The following ZNF200 variants were observed in gnomAD, a reference collection of about 807,000 sequenced individuals.
The protein encoded by ZNF200 is zinc finger protein 200.
In ZNF200, 35 loss-of-function variants were observed where a neutral mutation model predicts 33.6. The observed-to-expected ratio is 1.04, with a 90% confidence interval of 0.80 to 1.38. The LOEUF is 1.38. Among genes scored for constraint, ZNF200 ranks in the 40% most tolerant of loss-of-function variants. The probability of loss-of-function intolerance (pLI) is 0.00; values close to 1 mark genes in which losing one functional copy is unlikely to be tolerated. For synonymous variants in ZNF200, 209 were observed against 167.7 expected (o/e 1.25, Z -1.90); for missense variants, 592 against 470.6 (o/e 1.26, Z -2.39).
chr16:3,231,386 G>C (rs1263720683), intron 4 of ZNF200, among the ~76,000 whole-genome samples: 1 of 152,122 alleles, frequency 6.6e-6, no homozygotes, highest in East Asian at 1.9e-4. Flanking sequence ...TTACAGCTAA[G>C]AGTTTGACAG....
At chr16:3,232,668 A>C in intron 3 of ZNF200, 121 bp from the exon 4 acceptor site, 1 of 1,487,716 alleles carries the variant, frequency 6.7e-7, no homozygotes, top group East Asian at 2.3e-5. Flanking sequence ...TATAAATCCC[A>C]CAGAGGTGCA....
Position 3,224,542 on chromosome 16 carries a change from T to C in ZNF200, c.538A>G (p.Lys180Glu). 6.2e-7 allele frequency: 1 copy of C among 1,613,934 alleles called. No individual in the cohort carries two copies. Among genetic ancestry groups the C allele is most frequent in the South Asian group, 1.1e-5 (1 of 91,040 alleles). Residue 180 changes from lysine (K) to glutamate (E), a missense_variant, in exon 5 of 5, where the codon AAG (lysine) becomes GAG (glutamate). Lys to Glu is a moderately conservative substitution (Grantham distance 56). Coordinates refer to ENST00000414144, the MANE Select transcript of ZNF200 (RefSeq NM_198088.3). Reference sequence around the variant, plus strand: ...TCCATTTCATCATCATCTGAAGACTTTTCTCTATAATCTTCATTTTCTACA... The same window carrying C: ...TCCATTTCATCATCATCTGAAGACTCTTCTCTATAATCTTCATTTTCTACA... ...EPVENEDYRE[K>E]SSDDDEMDSS...
chr16:3,232,315 GCA>G, intron 4 of ZNF200, 104 bp downstream of exon 4: 1 of 1,257,832 alleles, frequency 8.0e-7, no homozygotes, highest in South Asian at 1.4e-5. Flanking sequence ...ATGTGTGTGT[GCA>G]CATAGGCTTA....
rs762757189 is a variant in ZNF200, at chr16:3,233,591, G to C, written c.165C>G (p.Pro55=). 2 of 1,613,100 alleles carry C rather than the reference G, an allele frequency of 1.2e-6. No individual in the cohort carries two copies. The highest frequency in any genetic ancestry group is 4.5e-5 in the East Asian group (2 of 44,872). The change falls in exon 2 of 5, where the codon CCC becomes CCG. Residue 55 remains proline, a synonymous_variant. Coordinates refer to ENST00000414144, the MANE Select transcript of ZNF200 (RefSeq NM_198088.3). ...LVLEHFLTFL[P]KPSLVQPSQK... is the part of the protein sequence containing the mutation. The stretch of plus-strand genomic sequence containing the variant: ...GACTGGGCTGGACCAGGCTTGGCTT[G>C]GGCAAGAAGGTGAGGAAGTGCTCCA...
intron 2 of ZNF200, among the ~76,000 whole-genome samples, 194 bp downstream of exon 2, chr16:3,233,312 A>G: frequency 6.6e-6 from 1 of 152,238 alleles, no homozygotes; most frequent in East Asian, 1.9e-4. Flanking sequence ...GACACTACAG[A>G]AAGATGCACA....
chr16:3,224,418 G>C lies in ZNF200; in HGVS notation c.662C>G (p.Thr221Ser), dbSNP rs1958415344. ...CTCTAGAGGAGTATCATTCTCAATG[G>C]TAACTAACAGATTTCTCATTTTCCT... ...QKRKMRNLLV[T>S]IENDTPLEEL... The change falls in exon 5 of 5, where the codon ACC becomes AGC. Residue 221 changes from threonine (T) to serine (S), a missense_variant. Coordinates refer to ENST00000414144, the MANE Select transcript of ZNF200 (RefSeq NM_198088.3). 2.5e-6 allele frequency: 4 copies of C among 1,614,012 alleles called. No homozygotes were observed. The highest frequency in any genetic ancestry group is 3.4e-6 in the Non-Finnish European group (4 of 1,180,034).
At position 3,224,127 on chromosome 16, in the gene ZNF200, C is replaced by T. The variant is rs144411174; in HGVS notation, c.953G>A (p.Arg318His). 4.2e-5 allele frequency: 67 copies of T among 1,614,056 alleles called. No homozygotes were observed. In the South Asian group the frequency reaches 4.7e-4, roughly 11 times the overall value. Residue 318 changes from arginine to histidine, a missense_variant, in exon 5 of 5, where the codon CGT (arginine) becomes CAT (histidine). Coordinates refer to ENST00000414144, the MANE Select transcript of ZNF200 (RefSeq NM_198088.3). ...YSCSQCGKNF[R>H]QNSHRSRHEG... is the part of the protein sequence containing the mutation. ...ATGACGACTCCGATGAGAATTCTGA[C>T]GGAAGTTTTTTCCACACTGAGAACA...
intron 4 of ZNF200, chr16:3,226,224 T>C (rs1567218589): frequency 6.6e-6 from 1 of 151,910 alleles, no homozygotes; most frequent in Non-Finnish European, 1.5e-5. Flanking sequence ...AGCTAATTTT[T>C]TGTATTTATA....
rs2141607800 is a variant in ZNF200 at position 3,222,789 on chromosome 16, G to C, written c.*1103C>G. 6.6e-6 allele frequency: 1 copy of C among 152,316 alleles called. No homozygotes were observed. Among genetic ancestry groups the C allele is most frequent in the Non-Finnish European group, 1.5e-5 (1 of 68,042 alleles). 9.4% of individuals were successfully genotyped at this position (152,316 alleles called of 1,614,324 possible). A position where few individuals can be genotyped will look rare whatever the true frequency, so the allele number is the denominator to read the frequency against. ...GACAGGAAGGTATGGATATCAAGAG[G>C]CTGAAGACAATTAATACCCACTACA... is the stretch of plus-strand genomic sequence containing the variant. On this transcript the variant is annotated 3_prime_UTR_variant, in exon 5 of 5. Transcript: ENST00000414144.
At chr16:3,231,104 A>C (rs1367219296) in intron 4 of ZNF200, among the ~76,000 whole-genome samples, 1 of 152,198 alleles carries the variant, frequency 6.6e-6, no homozygotes, top group African/African-American at 2.4e-5. Flanking sequence ...CACCAGCTTC[A>C]GGGTACGGGT....
chr16:3,226,925 T>C (rs1240041051), intron 4 of ZNF200: 3 of 152,220 alleles, frequency 2.0e-5, no homozygotes, highest in Non-Finnish European at 4.4e-5. Flanking sequence ...AAATATGAAA[T>C]ACGCAAAATG....
Position 3,232,929 on chromosome 16 carries a change from A to G in ZNF200, c.251-8T>C. 1 of 1,613,204 alleles carries G rather than the reference A, an allele frequency of 6.2e-7. No homozygotes were observed. The highest frequency in any genetic ancestry group is 1.1e-5 in the South Asian group (1 of 91,060). ...CCAAGGGACGAGGATGCACTGGGGA[A>G]AGAGGAAGGTTTAGTTAGTGAAAAA... is the stretch of plus-strand genomic sequence containing the variant. On this transcript the variant is annotated splice_region_variant and splice_polypyrimidine_tract_variant and intron_variant, in intron 2 of 4. Coordinates refer to ENST00000414144, the MANE Select transcript of ZNF200 (RefSeq NM_198088.3).
Position 3,233,032 on chromosome 16 carries a change from C to G in ZNF200, c.251-111G>C. 3.3e-6 allele frequency: 3 copies of G among 904,660 alleles called. No homozygotes were observed. The South Asian group carries it at 4.6e-5, about 14-fold the overall frequency. The allele number at this position is 904,660 out of a possible 1,614,324, so 56.0% of individuals were successfully genotyped here. A position where few individuals can be genotyped will look rare whatever the true frequency, so the allele number is the denominator to read the frequency against. On this transcript the variant is annotated intron_variant, in intron 2 of 4. Transcript: ENST00000414144. ...ATTCCTTTGACAGGTAACTCATGGC[C>G]TTTTCTGCTCCTGTGAGCCCTTATA...
chr16:3,225,662 T>G (rs1270641349), intron 4 of ZNF200: 2 of 152,164 alleles, frequency 1.3e-5, no homozygotes, highest in Admixed American at 1.3e-4. Flanking sequence ...TTACAATTGG[T>G]AGGCTTTTTC....
chr16:3,224,530 C>G lies in ZNF200; in HGVS notation c.550G>C (p.Asp184His), dbSNP rs1056780222. ...ACCAAGGAAGAATCCATTTCATCAT[C>G]ATCTGAAGACTTTTCTCTATAATCT... The part of the protein sequence containing the change: ...NEDYREKSSD[D>H]DEMDSSLVSQ... The change falls in exon 5 of 5, where the codon GAT (aspartate) becomes CAT (histidine). Residue 184 changes from aspartate (D) to histidine (H), a missense_variant. Coordinates refer to ENST00000414144, the MANE Select transcript of ZNF200 (RefSeq NM_198088.3). 8.7e-6 allele frequency: 14 copies of G among 1,614,112 alleles called. No homozygotes were observed. The highest frequency in any genetic ancestry group is 2.2e-5 in the South Asian group (2 of 91,078).
Position 3,233,780 on chromosome 16 carries a change from G to A in ZNF200, c.-25C>T, listed in dbSNP as rs745699109. ...TGCCTTGCAACCACACACCACACTC[G>A]TTTCGCGGGGCCTCCAGAGCCACCT... On this transcript the variant is annotated 5_prime_UTR_variant, in exon 2 of 5. In the 5' UTR this introduces an upstream ATG that the reference lacks. Transcript: ENST00000414144. The A allele has an allele frequency of 4.4e-6, 7 of 1,583,106 alleles. No homozygotes were observed. In the South Asian group the frequency reaches 4.6e-5, roughly 10 times the overall value.
At chr16:3,227,993 G>A (rs1958516221) in intron 4 of ZNF200, among the ~76,000 whole-genome samples, 1 of 151,800 alleles carries the variant, frequency 6.6e-6, no homozygotes, top group African/African-American at 2.4e-5. Context: ...TCAACAAGAG[G>A]AGAAATGACC....
chr16:3,234,471 AAAAG>A (rs1290583224), intron 1 of ZNF200, among the ~76,000 whole-genome samples: 7 of 152,308 alleles, frequency 4.6e-5, no homozygotes, highest in South Asian at 4.1e-4. Context: ...AATAAAAGGA[AAAAG>A]AAAGAAAAGA....
At chr16:3,234,382 A>G (rs1350187412) in intron 1 of ZNF200, among the ~76,000 whole-genome samples, 1 of 152,148 alleles carries the variant, frequency 6.6e-6, no homozygotes, top group Non-Finnish European at 1.5e-5. Flanking sequence ...TCTGAGCGAC[A>G]AAGCAAGACC....
Sources: gnomAD v4.1 joint callset for allele counts (sites outside exome capture counted in the v4.1 genomes callset) on GRCh38, gnomAD v4.1.1 for gene constraint, MANE v1.5 for transcripts, NCBI Gene and HGNC (gene_info 2026-07-23, HGNC 2026-07-21) for gene names.